ACVR1: variants seen among roughly 807,000 people sequenced by gnomAD.
ACVR1 encodes the protein activin A receptor type 1.
A neutral mutation model predicts 57.1 loss-of-function variants in ACVR1; 38 were observed. The ratio of observed to expected loss-of-function variants is 0.67; its 90% CI spans 0.51 to 0.87. The LOEUF is 0.87. ACVR1 is among the 40% of genes least tolerant of loss of function. The pLI is 0.00. For missense variants in ACVR1, 463 were observed against 638.2 expected, an observed-to-expected ratio of 0.73 and a Z score of 2.96; for synonymous variants, 212 against 228.1, an observed-to-expected ratio of 0.93 and a Z score of 0.63.
intron 9 of ACVR1, among the ~76,000 whole-genome samples, chr2:157,754,694 G>T (rs901250447): frequency 1.3e-5 from 2 of 152,092 alleles, no homozygotes; most frequent in African/African-American, 4.8e-5. Flanking sequence ...AGAAGAATTG[G>T]TACCAATCTT....
At chr2:157,829,543 C>G (rs890191813) in intron 1 of ACVR1, among the ~76,000 whole-genome samples, 1 of 152,146 alleles carries the variant, frequency 6.6e-6, no homozygotes, top group East Asian at 1.9e-4. Flanking sequence ...TTTTCATGAT[C>G]TGGCCCCAGA....
chr2:157,804,989 C>T (rs1328312444), intron 2 of ACVR1, among the ~76,000 whole-genome samples: 1 of 152,216 alleles, frequency 6.6e-6, no homozygotes, highest in African/African-American at 2.4e-5. Context: ...GATAAAGCCA[C>T]AGATACCCCA....
intron 3 of ACVR1, among the ~76,000 whole-genome samples, chr2:157,781,843 T>G (rs1686535865): frequency 6.6e-6 from 1 of 152,234 alleles, no homozygotes; most frequent in Non-Finnish European, 1.5e-5. Context: ...GGATAAAATG[T>G]AAACAGCCAA....
chr2:157,744,615 G>A (rs964800535), intron 9 of ACVR1, among the ~76,000 whole-genome samples: 1 of 152,230 alleles, frequency 6.6e-6, no homozygotes, highest in African/African-American at 2.4e-5. Context: ...GGAAAAAAAT[G>A]ATGAGGGCAG....
chr2:157,874,364 T>A (rs543010039), intron 1 of ACVR1, among the ~76,000 whole-genome samples: 18 of 152,300 alleles, frequency 1.2e-4, no homozygotes, highest in African/African-American at 4.3e-4. Context: ...GACCCCTATG[T>A]CCCCATCAGT....
chr2:157,827,678 G>A (rs1360210563), intron 1 of ACVR1, among the ~76,000 whole-genome samples: 1 of 152,106 alleles, frequency 6.6e-6, no homozygotes, highest in Non-Finnish European at 1.5e-5. Flanking sequence ...CAAGAATTTA[G>A]GCAACTCTGG....
chr2:157,858,518 C>T (rs1689613814), intron 1 of ACVR1, among the ~76,000 whole-genome samples: 1 of 152,196 alleles, frequency 6.6e-6, no homozygotes, highest in Admixed American at 6.5e-5. Flanking sequence ...GTCACCCAAG[C>T]TGGAGTGCAG....
chr2:157,768,568 C>T (rs1361297696), intron 7 of ACVR1, among the ~76,000 whole-genome samples: 2 of 152,058 alleles, frequency 1.3e-5, no homozygotes, highest in Non-Finnish European at 2.9e-5. Flanking sequence ...TTTATCTGTC[C>T]CATTAATTAT....
At chr2:157,777,563 T>G (rs1291899952) in intron 5 of ACVR1, among the ~76,000 whole-genome samples, 1 of 152,220 alleles carries the variant, frequency 6.6e-6, no homozygotes, top group Non-Finnish European at 1.5e-5. Flanking sequence ...GGTGGCTACT[T>G]GAAAATTTTA....
chr2:157,814,730 C>T (rs1373299331), intron 2 of ACVR1, among the ~76,000 whole-genome samples: 2 of 152,120 alleles, frequency 1.3e-5, no homozygotes, highest in Non-Finnish European at 2.9e-5. Flanking sequence ...GATCTATATA[C>T]CCATCAATAT....
chr2:157,823,719 G>C (rs1466132486), intron 1 of ACVR1, among the ~76,000 whole-genome samples: 3 of 152,122 alleles, frequency 2.0e-5, no homozygotes, highest in African/African-American at 7.2e-5. Flanking sequence ...CTACACGTTT[G>C]AAGATAATCT....
chr2:157,847,245 T>G (rs1479782580), intron 1 of ACVR1, among the ~76,000 whole-genome samples: 1 of 152,228 alleles, frequency 6.6e-6, no homozygotes, highest in Non-Finnish European at 1.5e-5. Context: ...ATTCAAAACT[T>G]CAATTTCCTT....
rs979619906 is a variant in ACVR1, at chr2:157,764,768, C to T, written c.1066+1153G>A. Among the ~76,000 whole-genome samples, 10 of 152,210 alleles carry T rather than the reference C, an allele frequency of 6.6e-5. No individual in the cohort carries two copies. The East Asian group carries it at 1.5e-3, about 24-fold the overall frequency. On this transcript the variant is annotated intron_variant, in intron 8 of 10. Coordinates refer to ENST00000434821, the MANE Select transcript of ACVR1 (RefSeq NM_001111067.4). ...GAGCCATGGAATAAGCCATAAAAGT[C>T]CTCTACACCACAACTAAAAATGCCT...
At chr2:157,821,502 G>C (rs1383728998) in intron 1 of ACVR1, among the ~76,000 whole-genome samples, 2 of 151,716 alleles carry the variant, frequency 1.3e-5, no homozygotes, top group Non-Finnish European at 2.9e-5. Context: ...CTCCAGCCTG[G>C]GGAACAGAGG....
In ACVR1 at chr2:157,860,369, C is replaced by T. The variant is rs149785050; in HGVS notation, c.-183+15427G>A. On this transcript the variant is annotated intron_variant, in intron 1 of 10. Transcript: ENST00000434821. ...AAAGTGTCTAAGGTTTAGGAAGCAG[C>T]GCTGGCATTCTCCAAAATGTGTTCA... Among the ~76,000 whole-genome samples, 1,169 of 152,286 alleles carry T rather than the reference C, an allele frequency of 7.7e-3. 12 individuals are homozygous for T. The highest frequency in any genetic ancestry group is 0.044 in the Middle Eastern group (13 of 294).
chr2:157,844,791 A>G (rs1452655955), intron 1 of ACVR1, among the ~76,000 whole-genome samples: 10 of 151,936 alleles, frequency 6.6e-5, no homozygotes, highest in African/African-American at 2.4e-4. Context: ...TAGTATTAAG[A>G]GGGGGGGAGC....
At chr2:157,824,911 G>A (rs774131473) in intron 1 of ACVR1, among the ~76,000 whole-genome samples, 4 of 152,060 alleles carry the variant, frequency 2.6e-5, no homozygotes. Flanking sequence ...ATGCCACCAC[G>A]CCTGGCTAAT....
At chr2:157,742,394 G>A (rs961345394) in intron 9 of ACVR1, among the ~76,000 whole-genome samples, 2 of 152,186 alleles carry the variant, frequency 1.3e-5, no homozygotes, top group Non-Finnish European at 2.9e-5. Context: ...GGTGGCCAGG[G>A]ACGGAACAGA....
rs755755509 is a variant in ACVR1, at chr2:157,778,289, G to A, written c.385C>T (p.Leu129Phe). The part of the protein sequence containing the change: ...NFHLEVGLII[L>F]SVVFAVCLLA... ...AGACATACTGCGAACACTACAGAGA[G>A]AATAATGAGGCCAACCTCCAAGTGG... is the stretch of plus-strand genomic sequence containing the variant. Residue 129 changes from leucine (L) to phenylalanine (F), a missense_variant, in exon 5 of 11, where the codon CTC becomes TTC. Around this residue, in one of 3 missense-constraint regions of ACVR1, gnomAD observed 203 missense variants for 235.5 expected, o/e 0.86. Coordinates refer to ENST00000434821, the MANE Select transcript of ACVR1 (RefSeq NM_001111067.4). The A allele has an allele frequency of 6.8e-6, 11 of 1,614,084 alleles. No individual in the cohort carries two copies. In the South Asian group the frequency reaches 1.2e-4, roughly 18 times the overall value.
Sources: gnomAD v4.1 joint callset for allele counts (sites outside exome capture counted in the v4.1 genomes callset) on GRCh38, gnomAD v4.1.1 for gene constraint, gnomAD v4.1.1 regional missense constraint, MANE v1.5 for transcripts, NCBI Gene and HGNC (gene_info 2026-07-23, HGNC 2026-07-21) for gene names.